KIF3C: variants seen among roughly 807,000 people sequenced by gnomAD.
KIF3C encodes the protein kinesin family member 3C, also known as kinesin-like protein KIF3C.
Under a neutral mutation model 67.7 loss-of-function variants are expected in KIF3C, and 12 were observed. The ratio of observed to expected loss-of-function variants is 0.18; its 90% CI spans 0.11 to 0.29. The LOEUF is 0.29. Ranked by LOEUF, KIF3C falls within the 10% of genes least tolerant of loss-of-function variation. KIF3C has a pLI of 1.00. For synonymous variants in KIF3C, 393 were observed against 426.2 expected (o/e 0.92, Z 0.96); for missense variants, 789 against 1,059.6 (o/e 0.74, Z 3.55).
At chr2:25,948,086 G>A (rs576319856) in intron 5 of KIF3C, among the ~76,000 whole-genome samples, 1 of 152,272 alleles carries the variant, frequency 6.6e-6, no homozygotes, top group East Asian at 1.9e-4. Flanking sequence ...GCTGGCCATG[G>A]TGGCGACTGC....
intron 1 of KIF3C, among the ~76,000 whole-genome samples, chr2:25,969,976 G>A (rs897560196): frequency 6.6e-6 from 1 of 152,130 alleles, no homozygotes; most frequent in Non-Finnish European, 1.5e-5. Context: ...TCGGCCTCCC[G>A]AAGTGCTGGG....
Position 25,942,161 on chromosome 2 carries a change from C to T in KIF3C, c.2006+9628G>A, listed in dbSNP as rs185121645. 9.5e-3 allele frequency among the ~76,000 whole-genome samples: 1,451 copies of T among 151,954 alleles called. 10 individuals carry two copies. Among genetic ancestry groups the T allele is most frequent in the Non-Finnish European group, 0.013 (910 of 67,988 alleles). On this transcript the variant is annotated intron_variant, in intron 5 of 7. Transcript: ENST00000264712. The stretch of plus-strand genomic sequence containing the variant: ...TCACCTGAGGTCAGGAGTTCGAGAC[C>T]AGCCTGGCCAACATGGAGAAACCCT...
rs6721440 is a variant in KIF3C, at chr2:25,981,771, G to A, written c.147C>T (p.Ala49=). The change falls in exon 1 of 8, where the codon GCC becomes GCT. Residue 49 remains alanine (A), a synonymous_variant. Coordinates refer to ENST00000264712, the MANE Select transcript of KIF3C (RefSeq NM_002254.8). The surrounding 1 kb of genome is among the most constrained non-coding windows in gnomAD (Gnocchi z 8.2). ...AGGTCTTGGGCAGCTCCCCCGGGGC[G>A]GCGCGGGGGTTCCGCAGGGTCACCT... ...LGQVTLRNPR[A]APGELPKTFT... is the part of the protein sequence containing the mutation. 0.46 allele frequency: 742,045 copies of A among 1,613,238 alleles called. 179,903 individuals are homozygous for A. The highest frequency in any genetic ancestry group is 0.76 in the African/African-American group (57,027 of 75,006).
chr2:25,962,871 AAT>A (rs1402804931), intron 1 of KIF3C, among the ~76,000 whole-genome samples: 1,191 of 71,304 alleles, frequency 0.017, 49 homozygotes, highest in Non-Finnish European at 0.02. Flanking sequence ...TAATATATAT[AAT>A]ATATAAAATA....
At chr2:25,979,331 T>C (rs927882273) in intron 1 of KIF3C, among the ~76,000 whole-genome samples, 4 of 152,156 alleles carry the variant, frequency 2.6e-5, no homozygotes, top group Non-Finnish European at 5.9e-5. Context: ...TCAGGAAGGA[T>C]GCTGAGGTCC....
chr2:25,971,871 C>CTTTTTTTTTTTTTT lies in KIF3C; in HGVS notation c.1545+8488_1545+8501dup, dbSNP rs70950146. Among the ~76,000 whole-genome samples the CTTTTTTTTTTTTTT allele has an allele frequency of 1.1e-4, 6 of 53,804 alleles. 1 individual carries two copies. The highest frequency in any genetic ancestry group is 1.1e-4 in the Non-Finnish European group (3 of 26,868). The allele number at this position is 53,804 out of a possible 152,430, so 35.3% of individuals were successfully genotyped here. A position where few individuals can be genotyped will look rare whatever the true frequency, so the allele number is the denominator to read the frequency against. On this transcript the variant is annotated intron_variant, in intron 1 of 7. Transcript: ENST00000264712. ...TACAGGCATGCAGTACCATGCCTAG[C>CTTTTTTTTTTTTTT]TTTTTTTTTTTTTTTTTTTTTTTTT...
chr2:25,954,329 A>G lies in KIF3C; in HGVS notation c.1827T>C (p.Tyr609=), dbSNP rs17047211. Residue 609 remains tyrosine (Y), a synonymous_variant, in exon 4 of 8, where the codon TAT becomes TAC. Transcript: ENST00000264712. ...CCTCCAGGTCCTGCCGCACGCGGATATACTCATCATGCTGGTCCTGGATCT... is the reference window on the plus strand; with the variant it reads ...CCTCCAGGTCCTGCCGCACGCGGATGTACTCATCATGCTGGTCCTGGATCT... ...KAEIQDQHDE[Y]IRVRQDLEEA... The G allele has an allele frequency of 0.15, 245,366 of 1,613,766 alleles. 20,095 individuals carry two copies. The highest frequency in any genetic ancestry group is 0.26 in the African/African-American group (19,784 of 74,940).
chr2:25,942,716 G>A (rs1663325525), intron 5 of KIF3C, among the ~76,000 whole-genome samples: 1 of 152,092 alleles, frequency 6.6e-6, no homozygotes, highest in South Asian at 2.1e-4. Context: ...GTGCAAAAAT[G>A]TTTTTTAAAG....
At chr2:25,978,664 G>A (rs1025739741) in intron 1 of KIF3C, among the ~76,000 whole-genome samples, 1 of 152,040 alleles carries the variant, frequency 6.6e-6, no homozygotes, top group African/African-American at 2.4e-5. Flanking sequence ...TCCCAACAAC[G>A]GAAACCTTCA....
chr2:25,969,777 G>A lies in KIF3C; in HGVS notation c.1545+10596C>T, dbSNP rs576933522. 1.5e-4 allele frequency among the ~76,000 whole-genome samples: 22 copies of A among 151,636 alleles called. No individual in the cohort carries two copies. The East Asian group carries it at 3.3e-3, about 23-fold the overall frequency. On this transcript the variant is annotated intron_variant, in intron 1 of 7. Transcript: ENST00000264712. ...TCTATTGCCCAGGCAAGAGAGTGGC[G>A]TGATCTTGGCTCACTGCAACCTCTG... is the stretch of plus-strand genomic sequence containing the variant.
At chr2:25,944,051 CTTTT>C (rs548510559) in intron 5 of KIF3C, among the ~76,000 whole-genome samples, 2 of 148,820 alleles carry the variant, frequency 1.3e-5, no homozygotes, top group Non-Finnish European at 3.0e-5. Context: ...TTCTTTCTTT[CTTTT>C]TTTTTTCATA....
chr2:25,969,459 A>T (rs1268727144), intron 1 of KIF3C, among the ~76,000 whole-genome samples: 1 of 152,002 alleles, frequency 6.6e-6, no homozygotes, highest in Non-Finnish European at 1.5e-5. Flanking sequence ...ACCAAACACC[A>T]CCTGTTCCCC....
intron 5 of KIF3C, among the ~76,000 whole-genome samples, chr2:25,941,138 A>T (rs1488434923): frequency 6.6e-6 from 1 of 152,012 alleles, no homozygotes; most frequent in East Asian, 1.9e-4. Flanking sequence ...CTCTACTAAA[A>T]ATGAAAGCAA....
intron 5 of KIF3C, among the ~76,000 whole-genome samples, chr2:25,943,631 G>A (rs1033188447): frequency 3.3e-5 from 5 of 152,138 alleles, no homozygotes; most frequent in African/African-American, 4.8e-5. Context: ...ATCACCTGAG[G>A]TCGGGAGTTC....
intron 6 of KIF3C, 47 bp from the exon 7 acceptor site, chr2:25,929,524 T>C (rs779304933): frequency 1.3e-6 from 2 of 1,566,994 alleles, no homozygotes; most frequent in Admixed American, 1.7e-5. Flanking sequence ...CCAGTCACTG[T>C]GCCTTCTAGG....
intron 5 of KIF3C, among the ~76,000 whole-genome samples, chr2:25,931,051 C>T (rs1162608778): frequency 6.6e-6 from 1 of 152,070 alleles, no homozygotes; most frequent in East Asian, 1.9e-4. Context: ...AACATATACA[C>T]CTGCTATGTA....
At chr2:25,931,825 G>C (rs1202889910) in intron 5 of KIF3C, among the ~76,000 whole-genome samples, 3 of 151,442 alleles carry the variant, frequency 2.0e-5, no homozygotes, top group African/African-American at 4.9e-5. Context: ...TTCAGTAGAG[G>C]ACAGGGTTTC....
chr2:25,951,759 C>T, intron 5 of KIF3C, 30 bp downstream of exon 5: 1 of 1,523,164 alleles, frequency 6.6e-7, no homozygotes, highest in Non-Finnish European at 9.1e-7. Context: ...CACAAGTCCC[C>T]CAGCCCAGAC....
At chr2:25,959,260 G>A (rs963751105) in intron 1 of KIF3C, among the ~76,000 whole-genome samples, 13 of 152,010 alleles carry the variant, frequency 8.6e-5, no homozygotes, top group Non-Finnish European at 1.8e-4. Context: ...CAGTAACCAG[G>A]CCATATTCCT....
Sources: gnomAD v4.1 joint callset for allele counts (sites outside exome capture counted in the v4.1 genomes callset) on GRCh38, gnomAD v4.1.1 for gene constraint, Gnocchi (gnomAD v3.1) non-coding constraint, MANE v1.5 for transcripts, NCBI Gene and HGNC (gene_info 2026-07-23, HGNC 2026-07-21) for gene names.